KHDRBS2: variants seen among roughly 807,000 people sequenced by gnomAD.
KHDRBS2 encodes KH domain-containing, RNA-binding, signal transduction-associated protein 2.
Under a neutral mutation model 44.3 loss-of-function variants are expected in KHDRBS2, and 26 were observed. The observed-to-expected ratio is 0.59, with a 90% confidence interval of 0.43 to 0.81. The LOEUF is 0.81. Ranked by LOEUF, KHDRBS2 falls within the 40% of genes least tolerant of loss-of-function variation. The probability of loss-of-function intolerance (pLI) is 0.00; values close to 1 mark genes in which losing one functional copy is unlikely to be tolerated. For missense variants in KHDRBS2, 476 were observed against 433.1 expected, an observed-to-expected ratio of 1.10 and a Z score of -0.88; for synonymous variants, 194 against 151.1, an observed-to-expected ratio of 1.28 and a Z score of -2.08.
chr6:61,697,162 G>T (rs1555167), intron 8 of KHDRBS2, 33 bp downstream of exon 8: 569,718 of 1,394,510 alleles, frequency 0.41, 119,627 homozygotes, highest in East Asian at 0.5. Flanking sequence ...TGGATGTTCC[G>T]ATTTCACAGT....
chr6:61,627,668 G>C, the KHDRBS2 span, among the ~76,000 whole-genome samples: 181 of 152,290 alleles, frequency 1.2e-3, 1 homozygote, highest in African/African-American at 4.1e-3. Context: ...TTTCTGGTTG[G>C]TGATACACAT....
intron 2 of KHDRBS2, among the ~76,000 whole-genome samples, chr6:62,171,859 T>C (rs1391778889): frequency 6.6e-6 from 1 of 152,124 alleles, no homozygotes; most frequent in East Asian, 1.9e-4. Flanking sequence ...AATAAGATTC[T>C]TTTGAGACAA....
At chr6:61,883,719 T>G (rs1800526101) in intron 6 of KHDRBS2, among the ~76,000 whole-genome samples, 1 of 152,058 alleles carries the variant, frequency 6.6e-6, no homozygotes, top group Non-Finnish European at 1.5e-5. Context: ...CATAATAGTA[T>G]TATGTCCGTC....
At chr6:62,258,223 C>T (rs1019430542) in intron 1 of KHDRBS2, among the ~76,000 whole-genome samples, 7 of 152,082 alleles carry the variant, frequency 4.6e-5, no homozygotes, top group Non-Finnish European at 7.4e-5. Context: ...AGGATAAAGA[C>T]GCACTCTGCT....
At chr6:61,652,163 T>C in the KHDRBS2 span, 1 of 152,098 alleles carries the variant, frequency 6.6e-6, no homozygotes, top group Non-Finnish European at 1.5e-5. Flanking sequence ...AAACCTAAGA[T>C]CTGATATAAT....
chr6:62,142,841 A>G (rs1370051342), intron 2 of KHDRBS2, among the ~76,000 whole-genome samples: 1 of 151,188 alleles, frequency 6.6e-6, no homozygotes, highest in Admixed American at 6.6e-5. Flanking sequence ...TGAGAAAGAA[A>G]AAATATATAT....
At chr6:61,832,679 T>C (rs1792014101) in intron 6 of KHDRBS2, among the ~76,000 whole-genome samples, 2 of 152,076 alleles carry the variant, frequency 1.3e-5, no homozygotes, top group South Asian at 4.1e-4. Flanking sequence ...TAAAGACAAC[T>C]GGCTGATTAC....
the KHDRBS2 span, among the ~76,000 whole-genome samples, chr6:61,647,153 T>C: frequency 1.3e-5 from 2 of 152,154 alleles, no homozygotes; most frequent in Non-Finnish European, 2.9e-5. Flanking sequence ...AATTGATCTT[T>C]ATCGTCTTTA....
intron 6 of KHDRBS2, among the ~76,000 whole-genome samples, chr6:61,877,443 G>GT (rs201652139): frequency 0.017 from 2,460 of 147,666 alleles, 55 homozygotes; most frequent in South Asian, 0.05. Context: ...TTTTTTTTTT[G>GT]TTTTTGTTTT....
intron 2 of KHDRBS2, among the ~76,000 whole-genome samples, chr6:62,120,927 A>G (rs1255299750): frequency 1.3e-5 from 2 of 152,120 alleles, no homozygotes; most frequent in Admixed American, 1.3e-4. Flanking sequence ...TAACTGTGCA[A>G]TGGGGAAAGA....
chr6:61,975,678 C>CAG lies in KHDRBS2; in HGVS notation c.483+2387_483+2388insCT, dbSNP rs1440860915. On this transcript the variant is annotated intron_variant, in intron 4 of 8. Coordinates refer to ENST00000281156, the MANE Select transcript of KHDRBS2 (RefSeq NM_152688.4). ...GCACACACACACACACACACACACA[C>CAG]ACAGAGAGATATAAAACATCTGAAG... Among the ~76,000 whole-genome samples the CAG allele has an allele frequency of 2.1e-5, 3 of 141,714 alleles. No individual in the cohort carries two copies. In the East Asian group the frequency reaches 6.2e-4, roughly 29 times the overall value. The allele number at this position is 141,714 out of a possible 152,430, so 93.0% of individuals were successfully genotyped here.
At chr6:62,121,913 T>C (rs1447997302) in intron 2 of KHDRBS2, among the ~76,000 whole-genome samples, 2 of 152,152 alleles carry the variant, frequency 1.3e-5, no homozygotes, top group Non-Finnish European at 2.9e-5. Flanking sequence ...TGTCAAGATA[T>C]GCCTTCTAAG....
At chr6:62,225,279 T>C (rs1831577009) in intron 1 of KHDRBS2, among the ~76,000 whole-genome samples, 1 of 152,228 alleles carries the variant, frequency 6.6e-6, no homozygotes, top group African/African-American at 2.4e-5. Context: ...CATCACTTTC[T>C]GTCAGGTTTT....
At chr6:61,605,546 A>G in the KHDRBS2 span, among the ~76,000 whole-genome samples, 3 of 152,104 alleles carry the variant, frequency 2.0e-5, no homozygotes, top group African/African-American at 7.2e-5. Context: ...TATTCTGTTT[A>G]GTTTTTTAAT....
chr6:61,915,165 C>T (rs1243611575), intron 4 of KHDRBS2, among the ~76,000 whole-genome samples: 1 of 151,952 alleles, frequency 6.6e-6, no homozygotes, highest in Non-Finnish European at 1.5e-5. Flanking sequence ...CCACAATGGC[C>T]TTTGGAAGGA....
At chr6:61,957,347 C>T (rs1189271940) in intron 4 of KHDRBS2, among the ~76,000 whole-genome samples, 1 of 152,150 alleles carries the variant, frequency 6.6e-6, no homozygotes, top group Non-Finnish European at 1.5e-5. Flanking sequence ...AGGGAGATAA[C>T]CTTAAACTCT....
chr6:61,574,197 C>A, the KHDRBS2 span: 2 of 668,430 alleles, frequency 3.0e-6, no homozygotes, highest in South Asian at 3.4e-5. Context: ...GCCTGTTTAC[C>A]AAAAACATCA....
At chr6:61,692,409 TTAA>T (rs948697571) in intron 8 of KHDRBS2, among the ~76,000 whole-genome samples, 19 of 151,794 alleles carry the variant, frequency 1.3e-4, no homozygotes, top group Non-Finnish European at 2.8e-4. Flanking sequence ...TAATTATATG[TTAA>T]TAAGTCATTT....
chr6:61,616,988 T>G, the KHDRBS2 span, among the ~76,000 whole-genome samples: 4 of 152,170 alleles, frequency 2.6e-5, no homozygotes, highest in Admixed American at 2.6e-4. Flanking sequence ...TCTGTATTCT[T>G]TTTTCTGTAT....
Sources: allele counts gnomAD v4.1 joint callset (sites outside exome capture counted in the v4.1 genomes callset), GRCh38; gene constraint gnomAD v4.1.1; transcripts MANE v1.5; gene names NCBI Gene and HGNC (gene_info 2026-07-23, HGNC 2026-07-21).